The following PTPRE variants were observed in gnomAD, a reference collection of about 807,000 sequenced individuals.
PTPRE encodes the protein protein tyrosine phosphatase receptor type E.
A neutral mutation model predicts 102.0 loss-of-function variants in PTPRE; 51 were observed. That is an observed-to-expected ratio of 0.50 (90% CI 0.40 to 0.63). The LOEUF (loss-of-function observed/expected upper bound fraction) is 0.63, where lower values mean the gene tolerates loss of function less well. PTPRE is among the 30% of genes least tolerant of loss of function. PTPRE has a pLI of 0.00. For missense variants in PTPRE, 752 were observed against 915.1 expected (o/e 0.82, Z 2.30); for synonymous variants, 345 against 348.2 (o/e 0.99, Z 0.10).
intron 2 of PTPRE, among the ~76,000 whole-genome samples, chr10:128,037,003 G>A (rs528638003): frequency 2.0e-5 from 3 of 152,296 alleles, no homozygotes; most frequent in East Asian, 1.9e-4. Flanking sequence ...CTCATGACTC[G>A]TAGCCAAGAT....
intron 1 of PTPRE, among the ~76,000 whole-genome samples, chr10:127,922,839 C>T (rs959314834): frequency 6.6e-6 from 1 of 152,234 alleles, no homozygotes; most frequent in African/African-American, 2.4e-5. Flanking sequence ...CTGCTCCCAT[C>T]TTCCCTCCCC....
rs34036600 is a variant in PTPRE, at chr10:128,020,022, CTG to C, written c.-7-20830_-7-20829del. On this transcript the variant is annotated intron_variant, in intron 2 of 20. Coordinates refer to ENST00000254667, the MANE Select transcript of PTPRE (RefSeq NM_006504.6). ...CAAAGGCTTTGCCAGAGGGTGGAGGCTGTGTGTGTGTGTGTGTGTGTGTGCAC... is the reference window on the plus strand; with the variant it reads ...CAAAGGCTTTGCCAGAGGGTGGAGGCTGTGTGTGTGTGTGTGTGTGTGCAC... Among the ~76,000 whole-genome samples the C allele has an allele frequency of 7.7e-3, 1,159 of 150,570 alleles. 14 individuals carry two copies. Among genetic ancestry groups the C allele is most frequent in the African/African-American group, 0.021 (858 of 41,130 alleles).
intron 1 of PTPRE, among the ~76,000 whole-genome samples, chr10:127,957,452 C>A (rs1314027622): frequency 6.6e-6 from 1 of 152,146 alleles, no homozygotes; most frequent in Non-Finnish European, 1.5e-5. Flanking sequence ...CATAGATAAT[C>A]ATGTAATCTG....
At chr10:127,917,480 G>A (rs1846290977) in intron 1 of PTPRE, among the ~76,000 whole-genome samples, 1 of 152,022 alleles carries the variant, frequency 6.6e-6, no homozygotes, top group Non-Finnish European at 1.5e-5. Flanking sequence ...CTAGGAGTTT[G>A]AGACCAGTCT....
intron 1 of PTPRE, among the ~76,000 whole-genome samples, chr10:127,951,945 T>C (rs1849059594): frequency 6.6e-6 from 1 of 152,198 alleles, no homozygotes; most frequent in African/African-American, 2.4e-5. Context: ...TGTGATTTCA[T>C]TGCTTGAGGA....
intron 1 of PTPRE, among the ~76,000 whole-genome samples, chr10:127,919,858 G>T (rs1388006365): frequency 6.6e-6 from 1 of 152,070 alleles, no homozygotes; most frequent in Non-Finnish European, 1.5e-5. Context: ...CATCCTGAAT[G>T]AATGGGCAGT....
At position 128,085,333 on chromosome 10, in the gene PTPRE, C is replaced by A. The variant is rs1295441486; in HGVS notation, c.*2427C>A. The A allele has an allele frequency of 8.9e-5, 25 of 279,812 alleles. No homozygotes were observed. Among genetic ancestry groups the A allele is most frequent in the South Asian group, 7.9e-4 (24 of 30,206 alleles). The allele number at this position is 279,812 out of a possible 1,614,324, so 17.3% of individuals were successfully genotyped here. On this transcript the variant is annotated 3_prime_UTR_variant, in exon 21 of 21. Coordinates refer to ENST00000254667, the MANE Select transcript of PTPRE (RefSeq NM_006504.6). ...AAGTCCATTGTACATAACAAAACAG[C>A]CCCCAAACAGCCCAGTGCCGACACC...
intron 2 of PTPRE, among the ~76,000 whole-genome samples, chr10:128,018,865 C>G (rs549047725): frequency 6.8e-6 from 1 of 146,306 alleles, no homozygotes; most frequent in African/African-American, 2.4e-5. Context: ...CTCTGTCTCT[C>G]TCTCTCTCAC....
Position 128,028,420 on chromosome 10 carries a change from TCTC to T in PTPRE, c.-7-12450_-7-12448del, listed in dbSNP as rs1846445091. Among the ~76,000 whole-genome samples, 2 of 152,072 alleles carry T rather than the reference TCTC, an allele frequency of 1.3e-5. No individual in the cohort carries two copies. The highest frequency in any genetic ancestry group is 4.8e-5 in the African/African-American group (2 of 41,398). ...CCAGGCTGGAATTGCTGGGCCGTGA[TCTC>T]CTCCATCTTTTCTTTCTCCAGCTGC... On this transcript the variant is annotated intron_variant, in intron 2 of 20. Coordinates refer to ENST00000254667, the MANE Select transcript of PTPRE (RefSeq NM_006504.6). The surrounding 1 kb of genome is among the most constrained non-coding windows in gnomAD (Gnocchi z 4.5).
chr10:128,041,000 C>T lies in PTPRE; in HGVS notation c.109+10C>T, dbSNP rs751504741. On this transcript the variant is annotated intron_variant, in intron 3 of 20. Coordinates refer to ENST00000254667, the MANE Select transcript of PTPRE (RefSeq NM_006504.6). ...ACAACCACGACCTCAGGTAAGGACC[C>T]CTTTCCCTGGCTGCCTCCCCTACTA... is the stretch of plus-strand genomic sequence containing the variant. 2 of 1,612,458 alleles carry T rather than the reference C, an allele frequency of 1.2e-6. No individual in the cohort carries two copies. Among genetic ancestry groups the T allele is most frequent in the South Asian group, 1.1e-5 (1 of 90,966 alleles).
At chr10:128,062,176 G>T (rs996686267) in intron 9 of PTPRE, among the ~76,000 whole-genome samples, 5 of 152,204 alleles carry the variant, frequency 3.3e-5, no homozygotes, top group Non-Finnish European at 7.3e-5. Context: ...ACCAGAGGTT[G>T]TCATCTGCAG....
At chr10:127,922,416 C>A (rs909298172) in intron 1 of PTPRE, among the ~76,000 whole-genome samples, 1 of 152,218 alleles carries the variant, frequency 6.6e-6, no homozygotes, top group Admixed American at 6.5e-5. Flanking sequence ...GCTCTGGAGA[C>A]TCCGTGGGGC....
intron 3 of PTPRE, among the ~76,000 whole-genome samples, chr10:128,044,088 A>G (rs758557378): frequency 1.2e-4 from 18 of 152,232 alleles, no homozygotes; most frequent in Admixed American, 6.5e-5. Flanking sequence ...CTGCATATTT[A>G]TGAACGTAAA....
intron 1 of PTPRE, among the ~76,000 whole-genome samples, chr10:127,930,061 C>CAAAAA (rs941241176): frequency 9.6e-5 from 7 of 72,772 alleles, no homozygotes; most frequent in Admixed American, 1.5e-4. Context: ...GATTCCATCT[C>CAAAAA]AAAAAAAAAA....
chr10:127,971,211 C>A (rs1036536575), intron 1 of PTPRE, among the ~76,000 whole-genome samples: 47 of 152,214 alleles, frequency 3.1e-4, no homozygotes, highest in African/African-American at 1.1e-3. Flanking sequence ...CACGCTGGGG[C>A]TGGCGCATTG....
intron 12 of PTPRE, 96 bp downstream of exon 12, chr10:128,068,382 G>A (rs1365423058): frequency 1.4e-6 from 2 of 1,423,850 alleles, no homozygotes; most frequent in South Asian, 2.6e-5. Flanking sequence ...ATATCAGGGT[G>A]GGCAGAGGTT....
chr10:127,954,892 T>C (rs1176564729), intron 1 of PTPRE, among the ~76,000 whole-genome samples: 1 of 151,824 alleles, frequency 6.6e-6, no homozygotes, highest in African/African-American at 2.4e-5. Context: ...GAGGTCTTAG[T>C]TCCAGAGTGA....
At chr10:127,945,068 T>G (rs1375523848) in intron 1 of PTPRE, among the ~76,000 whole-genome samples, 2 of 152,144 alleles carry the variant, frequency 1.3e-5, no homozygotes, top group Non-Finnish European at 2.9e-5. Flanking sequence ...ATGGATCTGT[T>G]TATAAGCCTA....
At chr10:127,982,607 G>T (rs574556503) in intron 2 of PTPRE, among the ~76,000 whole-genome samples, 1 of 151,798 alleles carries the variant, frequency 6.6e-6, no homozygotes, top group Non-Finnish European at 1.5e-5. Flanking sequence ...TTTCACTGAC[G>T]TGTCGTTGCT....
Sources: allele counts gnomAD v4.1 joint callset (sites outside exome capture counted in the v4.1 genomes callset), GRCh38; gene constraint gnomAD v4.1.1; non-coding constraint Gnocchi (gnomAD v3.1); transcripts MANE v1.5; gene names NCBI Gene and HGNC (gene_info 2026-07-23, HGNC 2026-07-21).